The following ZBTB17 variants were observed in gnomAD, a reference collection of about 807,000 sequenced individuals.
ZBTB17 encodes the protein zinc finger and BTB domain containing 17, also known as zinc finger and BTB domain-containing protein 17.
In ZBTB17, 24 loss-of-function variants were observed where a neutral mutation model predicts 85.1. The ratio of observed to expected loss-of-function variants is 0.28; its 90% CI spans 0.20 to 0.40. The LOEUF is 0.40. ZBTB17 is among the 10% of genes least tolerant of loss of function. ZBTB17 has a pLI of 1.00. For synonymous variants in ZBTB17, 464 were observed against 460.2 expected (o/e 1.01, Z -0.11); for missense variants, 743 against 1,105.1 (o/e 0.67, Z 4.65).
chr1:15,944,429 G>A lies in ZBTB17; in HGVS notation c.1242C>T (p.Gly414=). The change falls in exon 9 of 16, where the codon GGC becomes GGT. Residue 414 remains glycine, a synonymous_variant. Transcript: ENST00000375743. ...AGTAGTCGCACTGGTAGGGCTTCTCGCCGCTGTGCACCAGCTGGTGGCGCT... is the reference window on the plus strand; with the variant it reads ...AGTAGTCGCACTGGTAGGGCTTCTCACCGCTGTGCACCAGCTGGTGGCGCT... ...NLKRHQLVHS[G]EKPYQCDYCG... is the part of the protein sequence containing the mutation. The A allele has an allele frequency of 6.4e-7, 1 of 1,569,982 alleles. No homozygotes were observed. Among genetic ancestry groups the A allele is most frequent in the South Asian group, 1.2e-5 (1 of 85,860 alleles).
intron 2 of ZBTB17, among the ~76,000 whole-genome samples, chr1:15,958,485 G>C (rs2072132944): frequency 6.6e-6 from 1 of 150,392 alleles, no homozygotes. Flanking sequence ...TCAGGCCTTT[G>C]TTATGGAGCA....
chr1:15,955,819 G>A (rs558005008), intron 2 of ZBTB17, among the ~76,000 whole-genome samples: 14 of 152,290 alleles, frequency 9.2e-5, no homozygotes, highest in African/African-American at 3.1e-4. Flanking sequence ...TTAGCTGGGC[G>A]TGAGCTATGA....
At chr1:15,958,547 G>T (rs2072135538) in intron 2 of ZBTB17, among the ~76,000 whole-genome samples, 1 of 152,198 alleles carries the variant, frequency 6.6e-6, no homozygotes. Flanking sequence ...GGATTCGGGG[G>T]TCCAATCTCC....
chr1:15,954,939 G>A (rs956474646), intron 2 of ZBTB17, among the ~76,000 whole-genome samples: 2 of 152,182 alleles, frequency 1.3e-5, no homozygotes, highest in Admixed American at 6.5e-5. Context: ...CGGATCACTT[G>A]AGGTCAGGAG....
chr1:15,948,919 T>C (rs1444563624), intron 2 of ZBTB17, among the ~76,000 whole-genome samples: 1 of 152,210 alleles, frequency 6.6e-6, no homozygotes, highest in Non-Finnish European at 1.5e-5. Context: ...AGGACAGATG[T>C]TTCAATTGGA....
intron 2 of ZBTB17, among the ~76,000 whole-genome samples, chr1:15,957,085 C>T (rs2072070663): frequency 1.3e-5 from 2 of 150,404 alleles, no homozygotes; most frequent in South Asian, 4.2e-4. Context: ...GAGGCTGAGG[C>T]AGGAGAATGC....
intron 2 of ZBTB17, among the ~76,000 whole-genome samples, chr1:15,959,508 AGAGG>A (rs71003220): frequency 0.024 from 2,502 of 105,898 alleles, 84 homozygotes; most frequent in African/African-American, 0.077. Flanking sequence ...AAGAGGGAGG[AGAGG>A]GAGGGAGGGA....
Position 15,976,044 on chromosome 1 carries a change from C to T in ZBTB17, c.-151G>A. On this transcript the variant is annotated 5_prime_UTR_variant, in exon 1 of 16. Transcript: ENST00000375743. ...ATCACGGCCGCGAGAAGGCCGGGGA[C>T]GGCACTCCAGAGCAGACAAAGGGCG... is the stretch of plus-strand genomic sequence containing the variant. 2 of 694,444 alleles carry T rather than the reference C, an allele frequency of 2.9e-6. No homozygotes were observed. The highest frequency in any genetic ancestry group is 2.8e-5 in the East Asian group (1 of 36,210). 43.0% of individuals were successfully genotyped at this position (694,444 alleles called of 1,614,324 possible).
At chr1:15,965,914 G>C (rs1340446753) in intron 2 of ZBTB17, among the ~76,000 whole-genome samples, 3 of 152,174 alleles carry the variant, frequency 2.0e-5, no homozygotes, top group Admixed American at 2.0e-4. Context: ...ACTTGGGCCG[G>C]GTGAGATCAG....
intron 2 of ZBTB17, among the ~76,000 whole-genome samples, chr1:15,960,115 A>G (rs951598915): frequency 1.3e-5 from 2 of 152,196 alleles, no homozygotes; most frequent in Admixed American, 6.5e-5. Context: ...ATGCACACGC[A>G]ATTCAACACG....
rs59845939 is a variant in ZBTB17 at position 15,964,143 on chromosome 1, A to C, written c.-3+8896T>G. Among the ~76,000 whole-genome samples the C allele has an allele frequency of 0.035, 5,345 of 151,318 alleles. 306 individuals carry two copies. Among genetic ancestry groups the C allele is most frequent in the African/African-American group, 0.12 (5,006 of 41,234 alleles). On this transcript the variant is annotated intron_variant, in intron 2 of 15. Coordinates refer to ENST00000375743, the MANE Select transcript of ZBTB17 (RefSeq NM_003443.3). The surrounding 1 kb of genome is among the most constrained non-coding windows in gnomAD (Gnocchi z 4.3). ...TAGAGAGAAAAAAAAAAAAAGGTTT[A>C]AAAAGAACTAAAATGCACACCCACA...
chr1:15,955,719 G>T (rs913860059), intron 2 of ZBTB17, among the ~76,000 whole-genome samples: 3 of 152,330 alleles, frequency 2.0e-5, no homozygotes, highest in South Asian at 4.1e-4. Context: ...GGAGGCCAAG[G>T]CTGGAGGATC....
chr1:15,975,731 G>A (rs1231764696), intron 1 of ZBTB17, among the ~76,000 whole-genome samples: 22 of 152,126 alleles, frequency 1.4e-4, no homozygotes, highest in Admixed American at 1.4e-3. Flanking sequence ...AGCCCGGGAG[G>A]TGACACGCGC....
intron 2 of ZBTB17, among the ~76,000 whole-genome samples, chr1:15,972,196 C>A (rs1242424811): frequency 6.6e-6 from 1 of 152,192 alleles, no homozygotes; most frequent in Non-Finnish European, 1.5e-5. Flanking sequence ...GGGATTCAGT[C>A]TTACTTGTGC....
rs899788836 is a variant in ZBTB17 at position 15,952,446 on chromosome 1, G to C, written c.-2-3949C>G. Reference sequence around the variant, plus strand: ...ACAGACGCGGCAGAACCGACACGGCGGAACGGACGCGGATGATGCAGAGCC... The same window carrying C: ...ACAGACGCGGCAGAACCGACACGGCCGAACGGACGCGGATGATGCAGAGCC... On this transcript the variant is annotated intron_variant, in intron 2 of 15. Transcript: ENST00000375743. This position sits in a 1 kb window ranked among gnomAD's most constrained non-coding sequence, Gnocchi z 4.3. Among the ~76,000 whole-genome samples the C allele has an allele frequency of 6.6e-6, 1 of 152,224 alleles. No homozygotes were observed. The highest frequency in any genetic ancestry group is 2.4e-5 in the African/African-American group (1 of 41,438).
chr1:15,969,148 C>T (rs1275496512), intron 2 of ZBTB17, among the ~76,000 whole-genome samples: 3 of 152,198 alleles, frequency 2.0e-5, no homozygotes, highest in Non-Finnish European at 4.4e-5. Context: ...TTGTGAGCTG[C>T]ACATGTGAAG....
chr1:15,961,843 G>A (rs934810532), intron 2 of ZBTB17, among the ~76,000 whole-genome samples: 5 of 152,174 alleles, frequency 3.3e-5, no homozygotes, highest in Non-Finnish European at 7.3e-5. Flanking sequence ...AGCTAGTGAC[G>A]ACATGGGGTG....
chr1:15,942,470 T>C, intron 14 of ZBTB17, 50 bp from the exon 15 acceptor site: 1 of 1,611,132 alleles, frequency 6.2e-7, no homozygotes, highest in Non-Finnish European at 8.5e-7. Flanking sequence ...CACTGCCCCA[T>C]CATCGCCACC....
rs537760473 is a variant in ZBTB17 at position 15,952,697 on chromosome 1, C to T, written c.-2-4200G>A. ...CGAGCTGGAGGAAAGTCCAAGCTCC[C>T]GTGTGAGTGGGAGACACATGGAGGG... is the stretch of plus-strand genomic sequence containing the variant. On this transcript the variant is annotated intron_variant, in intron 2 of 15. Transcript: ENST00000375743. The surrounding 1 kb of genome is among the most constrained non-coding windows in gnomAD (Gnocchi z 4.3). Among the ~76,000 whole-genome samples the T allele has an allele frequency of 8.5e-5, 13 of 152,342 alleles. No homozygotes were observed. Among genetic ancestry groups the T allele is most frequent in the African/African-American group, 2.6e-4 (11 of 41,568 alleles).
Sources: gnomAD v4.1 joint callset for allele counts (sites outside exome capture counted in the v4.1 genomes callset) on GRCh38, gnomAD v4.1.1 for gene constraint, Gnocchi (gnomAD v3.1) non-coding constraint, MANE v1.5 for transcripts, NCBI Gene and HGNC (gene_info 2026-07-23, HGNC 2026-07-21) for gene names.